Variants in THRB observed in about 807,000 individuals in gnomAD.
THRB encodes the protein nuclear receptor subfamily 1 group A member 2.
THRB carries 12 observed loss-of-function variants against 47.8 expected under a neutral mutation model. The ratio of observed to expected loss-of-function variants is 0.25; its 90% CI spans 0.16 to 0.41. The LOEUF is 0.41. THRB is among the 10% of genes least tolerant of loss of function. The pLI is 1.00. For missense variants in THRB, 348 were observed against 589.2 expected, an observed-to-expected ratio of 0.59 and a Z score of 4.24; for synonymous variants, 218 against 212.2, an observed-to-expected ratio of 1.03 and a Z score of -0.24.
intron 6 of THRB, 127 bp from the exon 7 acceptor site, chr3:24,146,949 G>T: frequency 1.3e-6 from 1 of 757,424 alleles, no homozygotes; most frequent in Non-Finnish European, 2.2e-6. Context: ...TAGGCCTCTA[G>T]CTCCACATAT....
At chr3:24,441,016 G>A (rs2071474323) in intron 1 of THRB, among the ~76,000 whole-genome samples, 1 of 152,170 alleles carries the variant, frequency 6.6e-6, no homozygotes, top group Non-Finnish European at 1.5e-5. Flanking sequence ...TGCAAACTCA[G>A]CTATGGCTTG....
intron 1 of THRB, among the ~76,000 whole-genome samples, chr3:24,446,498 A>G (rs3456): frequency 0.043 from 6,503 of 151,888 alleles, 191 homozygotes; most frequent in Non-Finnish European, 0.064. Flanking sequence ...TTTCTGCAAA[A>G]GTGCATTCTG....
At chr3:24,443,108 GGAGGCAGA>G (rs1210057951) in intron 1 of THRB, among the ~76,000 whole-genome samples, 2 of 151,580 alleles carry the variant, frequency 1.3e-5, no homozygotes, top group Non-Finnish European at 2.9e-5. Flanking sequence ...CTTGAACCTG[GGAGGCAGA>G]GATTGCAATG....
intron 4 of THRB, among the ~76,000 whole-genome samples, chr3:24,194,585 G>C (rs1044764807): frequency 6.6e-6 from 1 of 152,160 alleles, no homozygotes; most frequent in African/African-American, 2.4e-5. Context: ...GTGTCTCAAG[G>C]GAGTTTAGGC....
At chr3:24,266,394 G>C (rs1189528798) in intron 3 of THRB, among the ~76,000 whole-genome samples, 2 of 152,116 alleles carry the variant, frequency 1.3e-5, no homozygotes, top group Non-Finnish European at 2.9e-5. Flanking sequence ...AAAGGGAGTG[G>C]GCCGAATCCA....
chr3:24,272,564 C>G (rs1458391717), intron 3 of THRB, among the ~76,000 whole-genome samples: 2 of 152,144 alleles, frequency 1.3e-5, no homozygotes, highest in African/African-American at 4.8e-5. Flanking sequence ...CTGATACTAC[C>G]TTACCCTTAT....
At chr3:24,361,571 G>A (rs2064068448) in intron 1 of THRB, among the ~76,000 whole-genome samples, 1 of 152,096 alleles carries the variant, frequency 6.6e-6, no homozygotes, top group Non-Finnish European at 1.5e-5. Context: ...CCCACTGCCT[G>A]AGCACCACTC....
At chr3:24,433,610 T>C (rs2070662897) in intron 1 of THRB, among the ~76,000 whole-genome samples, 1 of 152,302 alleles carries the variant, frequency 6.6e-6, no homozygotes, top group Non-Finnish European at 1.5e-5. Flanking sequence ...TGTGTTGTTT[T>C]AAGCAACTAA....
At chr3:24,277,346 G>C (rs1277237687) in intron 3 of THRB, among the ~76,000 whole-genome samples, 1 of 152,110 alleles carries the variant, frequency 6.6e-6, no homozygotes, top group Non-Finnish European at 1.5e-5. Flanking sequence ...AGAATCATCT[G>C]GTTCAAAATG....
At chr3:24,362,360 C>G (rs576349562) in intron 1 of THRB, among the ~76,000 whole-genome samples, 1 of 152,164 alleles carries the variant, frequency 6.6e-6, no homozygotes, top group African/African-American at 2.4e-5. Context: ...CAACATGAAG[C>G]CTCTGCACTA....
chr3:24,165,466 T>C (rs1023778279), intron 5 of THRB: 1 of 632,158 alleles, frequency 1.6e-6, no homozygotes, highest in Non-Finnish European at 2.8e-6. Context: ...CATACATACA[T>C]ACACATGAAA....
chr3:24,252,310 A>C (rs1436826076), intron 3 of THRB, among the ~76,000 whole-genome samples: 2 of 152,120 alleles, frequency 1.3e-5, no homozygotes, highest in Non-Finnish European at 2.9e-5. Flanking sequence ...GGAGCAGGAC[A>C]GAAGTTCAGA....
intron 3 of THRB, among the ~76,000 whole-genome samples, chr3:24,280,863 G>A (rs1252065909): frequency 5.3e-5 from 8 of 152,242 alleles, no homozygotes; most frequent in African/African-American, 1.9e-4. Flanking sequence ...TGAATGAAAT[G>A]AAGCGAGAAG....
chr3:24,353,640 A>T (rs1026951594), intron 1 of THRB, among the ~76,000 whole-genome samples: 2 of 152,162 alleles, frequency 1.3e-5, no homozygotes, highest in Non-Finnish European at 2.9e-5. Context: ...AGGCAGGTTA[A>T]TCTGTTTTAT....
intron 4 of THRB, among the ~76,000 whole-genome samples, chr3:24,209,656 C>T (rs1222972869): frequency 6.6e-6 from 1 of 152,118 alleles, no homozygotes; most frequent in Non-Finnish European, 1.5e-5. Context: ...AGAGGAACAT[C>T]ACACACCAGG....
intron 8 of THRB, among the ~76,000 whole-genome samples, chr3:24,135,883 TTATATA>T (rs1298614482): frequency 4.2e-5 from 6 of 144,414 alleles, no homozygotes; most frequent in African/African-American, 1.5e-4. Context: ...ATCTATATAA[TTATATA>T]TATGTAGGAT....
At chr3:24,327,054 C>T (rs1259093015) in intron 2 of THRB, among the ~76,000 whole-genome samples, 1 of 152,102 alleles carries the variant, frequency 6.6e-6, no homozygotes, top group Non-Finnish European at 1.5e-5. Flanking sequence ...TGAGCCACTG[C>T]TCCCTGTCAA....
intron 5 of THRB, among the ~76,000 whole-genome samples, chr3:24,161,472 T>C (rs2038807289): frequency 6.7e-6 from 1 of 150,256 alleles, no homozygotes; most frequent in Admixed American, 6.6e-5. Flanking sequence ...AAGAAAGAGA[T>C]GGAGGGAAAG....
chr3:24,288,781 A>G (rs899419310), intron 3 of THRB, among the ~76,000 whole-genome samples: 3 of 152,192 alleles, frequency 2.0e-5, no homozygotes, highest in Non-Finnish European at 4.4e-5. Context: ...GTGCCTTTTA[A>G]AAAATGAAAT....
Sources: gnomAD v4.1 joint callset for allele counts (sites outside exome capture counted in the v4.1 genomes callset) on GRCh38, gnomAD v4.1.1 for gene constraint, MANE v1.5 for transcripts, NCBI Gene and HGNC (gene_info 2026-07-23, HGNC 2026-07-21) for gene names.